The following CD247 variants were observed in gnomAD, a reference collection of about 807,000 sequenced individuals.
The protein encoded by CD247 is T-cell surface glycoprotein CD3 zeta chain.
Under a neutral mutation model 30.0 loss-of-function variants are expected in CD247, and 13 were observed. The observed-to-expected ratio is 0.43, with a 90% CI of 0.28 to 0.69. The LOEUF is 0.69. CD247 is among the 30% of genes least tolerant of loss of function. The probability of loss-of-function intolerance (pLI) is 0.16; values close to 1 mark genes in which losing one functional copy is unlikely to be tolerated. For missense variants in CD247, 193 were observed against 212.6 expected (o/e 0.91, Z 0.57); for synonymous variants, 72 against 80.0 (o/e 0.90, Z 0.53).
chr1:167,438,022 G>A (rs1651628876), intron 4 of CD247, among the ~76,000 whole-genome samples: 2 of 102,038 alleles, frequency 2.0e-5, no homozygotes, highest in Non-Finnish European at 3.6e-5. Flanking sequence ...TAAAGACAGA[G>A]GAAGGAAGGA....
At chr1:167,436,284 C>A (rs749647673) in intron 4 of CD247, among the ~76,000 whole-genome samples, 1 of 152,164 alleles carries the variant, frequency 6.6e-6, no homozygotes, top group African/African-American at 2.4e-5. Context: ...TAAAAACTCT[C>A]AACAAATTAG....
chr1:167,503,228 T>C (rs549006582), intron 1 of CD247, among the ~76,000 whole-genome samples: 169 of 152,300 alleles, frequency 1.1e-3, no homozygotes, highest in African/African-American at 3.9e-3. Flanking sequence ...GGGGCATTTG[T>C]CATCAGGCTG....
At chr1:167,471,148 G>C (rs1028510843) in intron 1 of CD247, among the ~76,000 whole-genome samples, 1 of 152,078 alleles carries the variant, frequency 6.6e-6, no homozygotes, top group African/African-American at 2.4e-5. Context: ...TGGGATTATA[G>C]GTATGAGCCA....
At chr1:167,515,300 C>T (rs1655554424) in intron 1 of CD247, among the ~76,000 whole-genome samples, 1 of 152,176 alleles carries the variant, frequency 6.6e-6, no homozygotes, top group South Asian at 2.1e-4. Context: ...CCACAATAGC[C>T]CTTTGGCTTC....
intron 3 of CD247, 36 bp downstream of exon 3, chr1:167,439,308 T>C (rs570387892): frequency 8.1e-6 from 13 of 1,602,642 alleles, no homozygotes; most frequent in African/African-American, 8.0e-5. Context: ...GAGGCTGCCC[T>C]TCCTTTCCGG....
At chr1:167,493,950 C>T (rs528549102) in intron 1 of CD247, among the ~76,000 whole-genome samples, 1 of 152,310 alleles carries the variant, frequency 6.6e-6, no homozygotes, top group Admixed American at 6.5e-5. Flanking sequence ...CCAAAATACC[C>T]TATATGCTCT....
intron 1 of CD247, among the ~76,000 whole-genome samples, chr1:167,465,100 C>A (rs77166670): frequency 1.3e-5 from 2 of 151,882 alleles, no homozygotes; most frequent in African/African-American, 4.8e-5. Context: ...ATATTTATTT[C>A]TTTCCTTCCT....
intron 4 of CD247, among the ~76,000 whole-genome samples, chr1:167,437,366 T>C (rs1651596646): frequency 6.6e-6 from 1 of 151,418 alleles, no homozygotes; most frequent in East Asian, 1.9e-4. Context: ...GACTGTGCCG[T>C]TGCACCCCAG....
At chr1:167,485,105 C>A (rs1466198257) in intron 1 of CD247, among the ~76,000 whole-genome samples, 2 of 152,210 alleles carry the variant, frequency 1.3e-5, no homozygotes, top group Non-Finnish European at 2.9e-5. Flanking sequence ...GCACATCACA[C>A]CCTCATGGAT....
chr1:167,492,633 C>T (rs1056756884), intron 1 of CD247, among the ~76,000 whole-genome samples: 10 of 152,126 alleles, frequency 6.6e-5, no homozygotes, highest in Middle Eastern at 3.2e-3. Context: ...CCTCCCAAGC[C>T]CCCATTAGCC....
At chr1:167,515,490 G>GC (rs1410137770) in intron 1 of CD247, among the ~76,000 whole-genome samples, 1 of 152,140 alleles carries the variant, frequency 6.6e-6, no homozygotes, top group Non-Finnish European at 1.5e-5. Flanking sequence ...CAATCCCCCT[G>GC]CCCCCTATTT....
At chr1:167,475,928 C>A (rs1364523409) in intron 1 of CD247, among the ~76,000 whole-genome samples, 4 of 152,044 alleles carry the variant, frequency 2.6e-5, no homozygotes, top group Non-Finnish European at 5.9e-5. Flanking sequence ...TCAACACCAA[C>A]TTGATATTTG....
intron 1 of CD247, among the ~76,000 whole-genome samples, chr1:167,496,873 T>C (rs1026752099): frequency 1.3e-5 from 2 of 152,084 alleles, no homozygotes; most frequent in Non-Finnish European, 2.9e-5. Context: ...CAGAAGGAGA[T>C]AGCCCTGGAA....
At chr1:167,492,329 G>A (rs59630893) in intron 1 of CD247, among the ~76,000 whole-genome samples, 5 of 152,090 alleles carry the variant, frequency 3.3e-5, no homozygotes, top group South Asian at 4.1e-4. Flanking sequence ...CTGTTTCACC[G>A]ACAGAAAGGC....
At chr1:167,446,789 C>T (rs1053368161) in intron 1 of CD247, among the ~76,000 whole-genome samples, 2 of 152,058 alleles carry the variant, frequency 1.3e-5, no homozygotes, top group Admixed American at 6.5e-5. Flanking sequence ...GTCAGGAGAT[C>T]GAGACCATCC....
At position 167,430,847 on chromosome 1, in the gene CD247, C is replaced by G. The variant is rs1350095754; in HGVS notation, c.*834G>C. ...CAGTTATAGGTCCCATGTGTTGGGTCTTCCTGCGAGGCCTTCACAAAGATG... is the reference window on the plus strand; with the variant it reads ...CAGTTATAGGTCCCATGTGTTGGGTGTTCCTGCGAGGCCTTCACAAAGATG... On this transcript the variant is annotated 3_prime_UTR_variant, in exon 8 of 8. Coordinates refer to ENST00000362089, the MANE Select transcript of CD247 (RefSeq NM_198053.3). 2.3e-5 allele frequency: 9 copies of G among 398,716 alleles called. No individual in the cohort carries two copies. The highest frequency in any genetic ancestry group is 1.0e-4 in the African/African-American group (5 of 48,650). The allele number at this position is 398,716 out of a possible 1,614,324, so 24.7% of individuals were successfully genotyped here.
At chr1:167,470,876 T>C (rs1015122734) in intron 1 of CD247, among the ~76,000 whole-genome samples, 28 of 148,890 alleles carry the variant, frequency 1.9e-4, no homozygotes, top group African/African-American at 2.5e-4. Flanking sequence ...TTCTTTCTTT[T>C]TTTTTTTTTT....
chr1:167,492,269 A>C (rs1362529713), intron 1 of CD247, among the ~76,000 whole-genome samples: 3 of 152,216 alleles, frequency 2.0e-5, no homozygotes, highest in Non-Finnish European at 4.4e-5. Flanking sequence ...ACATGTGTGA[A>C]GGACCAGGAG....
chr1:167,472,973 C>G (rs1482556872), intron 1 of CD247, among the ~76,000 whole-genome samples: 1 of 152,160 alleles, frequency 6.6e-6, no homozygotes, highest in Non-Finnish European at 1.5e-5. Flanking sequence ...TTCCCGGCAG[C>G]CCCTGCCCAC....
Sources: gnomAD v4.1 joint callset for allele counts (sites outside exome capture counted in the v4.1 genomes callset) on GRCh38, gnomAD v4.1.1 for gene constraint, MANE v1.5 for transcripts, NCBI Gene and HGNC (gene_info 2026-07-23, HGNC 2026-07-21) for gene names.